APOOL: variants seen among roughly 807,000 people sequenced by gnomAD.
APOOL encodes MICOS complex subunit MIC27.
Under a neutral mutation model 23.1 loss-of-function variants are expected in APOOL, and 12 were observed. The observed-to-expected ratio is 0.52, with a 90% confidence interval of 0.33 to 0.84. The LOEUF (loss-of-function observed/expected upper bound fraction) is 0.84, where lower values mean the gene tolerates loss of function less well. Among genes scored for constraint, APOOL ranks in the 40% least tolerant of loss-of-function variants. The pLI, the probability that APOOL is intolerant of heterozygous loss-of-function variation, is 0.02. For missense variants in APOOL, 212 were observed against 199.6 expected, an observed-to-expected ratio of 1.06 and a Z score of -0.37; for synonymous variants, 77 against 69.9, an observed-to-expected ratio of 1.10 and a Z score of -0.51.
At chrX:85,026,621 C>T (rs1369504677) in intron 1 of APOOL, among the ~76,000 whole-genome samples, 3 of 112,460 alleles carry the variant, frequency 2.7e-5, no homozygotes, top group African/African-American at 9.7e-5. Context: ...GCAGCCACAT[C>T]ACTTCTTGAA....
intron 1 of APOOL, among the ~76,000 whole-genome samples, chrX:85,026,680 A>G (rs968760532): frequency 8.9e-6 from 1 of 111,893 alleles, no homozygotes; most frequent in Non-Finnish European, 1.9e-5. Flanking sequence ...CTAGGTCATC[A>G]GATCCCTAGG....
chrX:85,070,635 A>G (rs1435404719), intron 6 of APOOL, among the ~76,000 whole-genome samples: 2 of 111,312 alleles, frequency 1.8e-5, no homozygotes, highest in Admixed American at 9.7e-5. Flanking sequence ...ATACATATAC[A>G]TTGTGTAATG....
At chrX:85,034,638 G>A (rs1288238108) in intron 1 of APOOL, among the ~76,000 whole-genome samples, 3 of 110,796 alleles carry the variant, frequency 2.7e-5, no homozygotes, top group Admixed American at 9.6e-5. Flanking sequence ...ACTAGTCCTC[G>A]GTGTCTGTTG....
intron 1 of APOOL, among the ~76,000 whole-genome samples, chrX:85,005,856 T>C (rs915565183): frequency 2.7e-5 from 3 of 111,786 alleles, no homozygotes; most frequent in Non-Finnish European, 5.6e-5. Context: ...AGAGGCTTCA[T>C]GGAGAAGGTG....
At position 85,082,112 on chromosome X, in the gene APOOL, C is replaced by G. The variant is rs777888576; in HGVS notation, c.719-5478C>G. Among the ~76,000 whole-genome samples the G allele has an allele frequency of 5.1e-4, 57 of 112,300 alleles. 2 individuals carry two copies. The South Asian group carries it at 0.021, about 41-fold the overall frequency. ...TCTGTCAGTTCGTCAAAGTCATTCT[C>G]CATCCAGCTTTGTTCCATTGATGGC... On this transcript the variant is annotated intron_variant, in intron 8 of 8. Coordinates refer to ENST00000373173, the MANE Select transcript of APOOL (RefSeq NM_198450.6).
chrX:85,087,414 A>G (rs1257705644), intron 8 of APOOL, among the ~76,000 whole-genome samples, 176 bp from the exon 9 acceptor site: 1 of 111,161 alleles, frequency 9.0e-6, no homozygotes, highest in Non-Finnish European at 1.9e-5. Flanking sequence ...ATTTTTTCAC[A>G]TAGCACTTAA....
At chrX:85,082,431 A>G (rs1215096291) in intron 8 of APOOL, among the ~76,000 whole-genome samples, 2 of 111,195 alleles carry the variant, frequency 1.8e-5, no homozygotes, top group Non-Finnish European at 3.8e-5. Context: ...AGGCTGCAGA[A>G]CAGCAAATAT....
chrX:85,077,010 T>C (rs1292731615), intron 8 of APOOL, among the ~76,000 whole-genome samples: 1 of 98,521 alleles, frequency 1.0e-5, no homozygotes, highest in East Asian at 3.1e-4. Flanking sequence ...TATATATATA[T>C]ATATATACGT....
intron 8 of APOOL, chrX:85,081,657 TCTC>T (rs1298915657): frequency 9.0e-6 from 1 of 111,478 alleles, no homozygotes; most frequent in Non-Finnish European, 1.9e-5. Flanking sequence ...TTGGGGAAGT[TCTC>T]CTAGATAATA....
intron 6 of APOOL, among the ~76,000 whole-genome samples, chrX:85,068,836 A>G (rs1357378725): frequency 8.9e-6 from 1 of 112,201 alleles, no homozygotes; most frequent in Non-Finnish European, 1.9e-5. Flanking sequence ...GCATCTATCC[A>G]TACAAATATC....
At chrX:85,078,522 G>A (rs1441352635) in intron 8 of APOOL, among the ~76,000 whole-genome samples, 13 of 111,396 alleles carry the variant, frequency 1.2e-4, no homozygotes, top group Non-Finnish European at 1.9e-4. Context: ...GTCAGGTAGC[G>A]TGATGCCTCC....
In APOOL at chrX:85,092,241, C is replaced by A; in HGVS notation, c.*4563C>A. 1.7e-6 allele frequency: 1 copy of A among 604,457 alleles called. No individual in the cohort carries two copies. The highest frequency in any genetic ancestry group is 2.4e-6 in the Non-Finnish European group (1 of 416,984). The allele number at this position is 604,457 out of a possible 1,213,427, so 49.8% of individuals were successfully genotyped here. On this transcript the variant is annotated 3_prime_UTR_variant, in exon 9 of 9. Coordinates refer to ENST00000373173, the MANE Select transcript of APOOL (RefSeq NM_198450.6). ...TTGGATAATGGAAAGTTGACTAGAGCTACAAAATCTGTTTCAAAATAAAAG... is the reference window on the plus strand; with the variant it reads ...TTGGATAATGGAAAGTTGACTAGAGATACAAAATCTGTTTCAAAATAAAAG...
intron 1 of APOOL, among the ~76,000 whole-genome samples, chrX:85,028,498 G>T (rs1298626327): frequency 9.0e-6 from 1 of 111,490 alleles, no homozygotes; most frequent in Admixed American, 9.5e-5. Context: ...GGAGAATGGG[G>T]TATCCATTCC....
chrX:85,071,605 A>G (rs1923665113), intron 6 of APOOL, among the ~76,000 whole-genome samples: 1 of 111,607 alleles, frequency 9.0e-6, no homozygotes, highest in Admixed American at 9.6e-5. Flanking sequence ...TACCTGTTTA[A>G]TCTTGAGATA....
At chrX:85,037,624 A>G (rs1018716065) in intron 1 of APOOL, among the ~76,000 whole-genome samples, 4 of 111,604 alleles carry the variant, frequency 3.6e-5, no homozygotes, top group African/African-American at 1.3e-4. Flanking sequence ...GTACTGGTGT[A>G]AAACTAGGCA....
At chrX:85,061,667 A>T (rs1232357482) in intron 5 of APOOL, among the ~76,000 whole-genome samples, 5 of 109,153 alleles carry the variant, frequency 4.6e-5, no homozygotes, top group Non-Finnish European at 9.6e-5. Flanking sequence ...GTTTATTTGC[A>T]TAGAGGTGTT....
At chrX:85,032,380 G>A (rs1322686759) in intron 1 of APOOL, among the ~76,000 whole-genome samples, 2 of 111,241 alleles carry the variant, frequency 1.8e-5, no homozygotes, top group East Asian at 5.6e-4. Context: ...CGGGCGTGGT[G>A]GCACATGCCT....
intron 1 of APOOL, among the ~76,000 whole-genome samples, chrX:85,040,726 G>A (rs1250516088): frequency 3.6e-5 from 4 of 111,151 alleles, no homozygotes; most frequent in Admixed American, 9.6e-5. Context: ...ACATTTTTTC[G>A]GTTCTTTCTA....
intron 5 of APOOL, among the ~76,000 whole-genome samples, chrX:85,060,219 T>A (rs1455501872): frequency 9.6e-6 from 1 of 104,132 alleles, no homozygotes; most frequent in Non-Finnish European, 2.0e-5. Context: ...AGGGCTCTGT[T>A]CTGTTCCATT....
Sources: gnomAD v4.1 joint callset for allele counts (sites outside exome capture counted in the v4.1 genomes callset) on GRCh38, gnomAD v4.1.1 for gene constraint, MANE v1.5 for transcripts, NCBI Gene and HGNC (gene_info 2026-07-23, HGNC 2026-07-21) for gene names.